FHIT: variants seen among roughly 807,000 people sequenced by gnomAD.
FHIT encodes the protein bis(5'-adenosyl)-triphosphatase.
In FHIT, 19 loss-of-function variants were observed where a neutral mutation model predicts 17.9. The observed-to-expected ratio is 1.06, with a 90% CI of 0.74 to 1.56. FHIT has a LOEUF of 1.56. FHIT is among the 40% of genes most tolerant of loss of function. The pLI is 0.00. For missense variants in FHIT, 248 were observed against 189.2 expected (o/e 1.31, Z -1.82); for synonymous variants, 81 against 69.7 (o/e 1.16, Z -0.81).
At chr3:61,136,444 T>C (rs1247190988) in intron 2 of FHIT, among the ~76,000 whole-genome samples, 1 of 151,970 alleles carries the variant, frequency 6.6e-6, no homozygotes, top group African/African-American at 2.4e-5. Context: ...GCATAAGATA[T>C]GCAAAAAACT....
intron 4 of FHIT, among the ~76,000 whole-genome samples, chr3:60,561,008 C>G (rs1226488844): frequency 6.6e-6 from 1 of 151,834 alleles, no homozygotes; most frequent in Non-Finnish European, 1.5e-5. Context: ...AGCAAAGTGC[C>G]AGGCAAATAA....
Position 60,955,609 on chromosome 3 carries a change from TATATATATATATATATATATATATAC to T in FHIT, c.-111+86412_-111+86437del, listed in dbSNP as rs1357267737. Among the ~76,000 whole-genome samples, 11 of 9,164 alleles carry T rather than the reference TATATATATATATATATATATATATAC, an allele frequency of 1.2e-3. No homozygotes were observed. The East Asian group carries it at 0.13, about 112-fold the overall frequency. 6.0% of individuals were successfully genotyped at this position (9,164 alleles called of 152,430 possible). A position where few individuals can be genotyped will look rare whatever the true frequency, so the allele number is the denominator to read the frequency against. ...AGGCATATATATACATATATATATA[TATATATATATATATATATATATATAC>T]ACACACACACATATATACATGTGAC... On this transcript the variant is annotated intron_variant, in intron 3 of 9. Transcript: ENST00000492590.
intron 4 of FHIT, among the ~76,000 whole-genome samples, chr3:60,746,101 G>T (rs1577153494): frequency 6.6e-6 from 1 of 152,218 alleles, no homozygotes; most frequent in Non-Finnish European, 1.5e-5. Flanking sequence ...ACAATATTTT[G>T]GTTAATCAAA....
intron 7 of FHIT, among the ~76,000 whole-genome samples, chr3:59,942,359 G>T (rs1302737982): frequency 6.6e-6 from 1 of 152,104 alleles, no homozygotes; most frequent in African/African-American, 2.4e-5. Context: ...CCTGTAGTCA[G>T]ATGTGATGCT....
intron 7 of FHIT, among the ~76,000 whole-genome samples, chr3:59,994,013 C>G (rs188929086): frequency 1.8e-4 from 27 of 152,142 alleles, no homozygotes; most frequent in African/African-American, 6.5e-4. Flanking sequence ...ATTCTCATAA[C>G]TACTCTATGA....
chr3:60,767,670 G>A (rs1553721867), intron 4 of FHIT, among the ~76,000 whole-genome samples: 2 of 152,226 alleles, frequency 1.3e-5, no homozygotes, highest in East Asian at 1.9e-4. Flanking sequence ...ATGGCTATCA[G>A]ACTATCTGTG....
intron 3 of FHIT, among the ~76,000 whole-genome samples, chr3:60,880,152 A>G (rs1398579814): frequency 6.6e-6 from 1 of 152,210 alleles, no homozygotes; most frequent in Non-Finnish European, 1.5e-5. Flanking sequence ...AGTACATTTA[A>G]GGGAATCCCC....
chr3:60,259,612 T>A (rs9820577), intron 5 of FHIT, among the ~76,000 whole-genome samples: 425 of 152,228 alleles, frequency 2.8e-3, no homozygotes, highest in African/African-American at 9.3e-3. Context: ...TGCTAAATCC[T>A]TAGAGTAACT....
intron 5 of FHIT, among the ~76,000 whole-genome samples, chr3:60,466,823 G>GTT (rs34184253): frequency 3.1e-4 from 42 of 135,420 alleles, no homozygotes; most frequent in Non-Finnish European, 5.1e-4. Context: ...CTTGCCTGCA[G>GTT]TTTTTTTTTT....
intron 8 of FHIT, among the ~76,000 whole-genome samples, chr3:59,785,203 C>A (rs908223011): frequency 1.3e-5 from 2 of 152,036 alleles, no homozygotes; most frequent in African/African-American, 4.8e-5. Context: ...TATTACAATT[C>A]GACATGAGAT....
intron 3 of FHIT, among the ~76,000 whole-genome samples, chr3:60,849,728 T>C (rs1553747701): frequency 6.6e-6 from 1 of 152,060 alleles, no homozygotes; most frequent in East Asian, 1.9e-4. Flanking sequence ...ACTTGGAGTC[T>C]TCACCCTTAA....
At chr3:61,143,663 C>A (rs1576096544) in intron 2 of FHIT, among the ~76,000 whole-genome samples, 1 of 152,134 alleles carries the variant, frequency 6.6e-6, no homozygotes, top group African/African-American at 2.4e-5. Flanking sequence ...GTCAGGAGTT[C>A]AAGACCAGCC....
intron 5 of FHIT, among the ~76,000 whole-genome samples, chr3:60,462,623 C>T (rs757626460): frequency 1.9e-4 from 29 of 152,134 alleles, no homozygotes; most frequent in Non-Finnish European, 3.1e-4. Context: ...GCAAGAGATC[C>T]GCCAGGATAA....
intron 5 of FHIT, among the ~76,000 whole-genome samples, chr3:60,210,940 T>G (rs1703422078): frequency 6.6e-6 from 1 of 151,902 alleles, no homozygotes; most frequent in Admixed American, 6.6e-5. Context: ...AAATATATGT[T>G]TGCACAAAGC....
chr3:60,877,891 T>C (rs1430867440), intron 3 of FHIT, among the ~76,000 whole-genome samples: 1 of 152,014 alleles, frequency 6.6e-6, no homozygotes, highest in African/African-American at 2.4e-5. Flanking sequence ...CCATGCTCAG[T>C]CATTCTAGGG....
At chr3:60,163,841 C>T (rs1201740193) in intron 5 of FHIT, among the ~76,000 whole-genome samples, 1 of 152,162 alleles carries the variant, frequency 6.6e-6, no homozygotes, top group Non-Finnish European at 1.5e-5. Context: ...CAAAATCACT[C>T]CTAGTTGGGA....
At chr3:59,833,608 G>T (rs1355940074) in intron 8 of FHIT, among the ~76,000 whole-genome samples, 1 of 152,040 alleles carries the variant, frequency 6.6e-6, no homozygotes, top group African/African-American at 2.4e-5. Context: ...TTTTGTTATG[G>T]TGGCCCTAGG....
At chr3:61,154,990 A>G (rs2037495101) in intron 2 of FHIT, among the ~76,000 whole-genome samples, 1 of 152,240 alleles carries the variant, frequency 6.6e-6, no homozygotes, top group South Asian at 2.1e-4. Flanking sequence ...AGGCACTGCC[A>G]AAGGCAATAC....
intron 4 of FHIT, 112 bp downstream of exon 4, chr3:60,821,807 A>T (rs1355463404): frequency 6.6e-6 from 1 of 152,210 alleles, no homozygotes; most frequent in Non-Finnish European, 1.5e-5. Flanking sequence ...TTACCATTTT[A>T]AAAGTTCTAT....
Sources: allele counts gnomAD v4.1 joint callset (sites outside exome capture counted in the v4.1 genomes callset), GRCh38; gene constraint gnomAD v4.1.1; transcripts MANE v1.5; gene names NCBI Gene and HGNC (gene_info 2026-07-23, HGNC 2026-07-21).